Variants in GRIK4 observed in about 807,000 individuals in gnomAD.
GRIK4 encodes glutamate receptor ionotropic, kainate 4.
Under a neutral mutation model 104.9 loss-of-function variants are expected in GRIK4, and 40 were observed. The observed-to-expected ratio is 0.38, with a 90% CI of 0.30 to 0.50. GRIK4 has a LOEUF of 0.50. Ranked by LOEUF, GRIK4 falls within the 20% of genes least tolerant of loss-of-function variation. GRIK4 has a pLI of 0.93. For synonymous variants in GRIK4, 485 were observed against 524.9 expected, an observed-to-expected ratio of 0.92 and a Z score of 1.04; for missense variants, 1,047 against 1,308.1, an observed-to-expected ratio of 0.80 and a Z score of 3.08.
intron 3 of GRIK4, among the ~76,000 whole-genome samples, chr11:120,726,095 A>G (rs1951023402): frequency 6.6e-6 from 1 of 152,238 alleles, no homozygotes; most frequent in South Asian, 2.1e-4. Flanking sequence ...ACCACAGGGA[A>G]CTGCAAGGAC....
chr11:120,696,136 G>T (rs1373532088), intron 3 of GRIK4, among the ~76,000 whole-genome samples: 1 of 152,180 alleles, frequency 6.6e-6, no homozygotes, highest in Non-Finnish European at 1.5e-5. Flanking sequence ...TGACAATAGA[G>T]CTAACAATAT....
chr11:120,542,579 A>G (rs1948048491), intron 1 of GRIK4, among the ~76,000 whole-genome samples: 1 of 152,262 alleles, frequency 6.6e-6, no homozygotes, highest in South Asian at 2.1e-4. Context: ...AACATCCAAA[A>G]TATATAAGGA....
chr11:120,983,720 C>T (rs975823541), intron 20 of GRIK4, among the ~76,000 whole-genome samples: 3 of 152,102 alleles, frequency 2.0e-5, no homozygotes, highest in Non-Finnish European at 4.4e-5. Flanking sequence ...GGTCACCCTC[C>T]TTCTTCCTGA....
intron 1 of GRIK4, among the ~76,000 whole-genome samples, chr11:120,615,015 A>C (rs1477762891): frequency 2.0e-5 from 3 of 151,440 alleles, no homozygotes; most frequent in Admixed American, 2.0e-4. Context: ...AAACAAAACA[A>C]AAAACAAAAC....
At chr11:120,852,786 G>A (rs187499838) in intron 8 of GRIK4, among the ~76,000 whole-genome samples, 108 of 152,290 alleles carry the variant, frequency 7.1e-4, no homozygotes, top group Non-Finnish European at 2.6e-4. Flanking sequence ...ATGTAAGGGT[G>A]CCCAGGAGAT....
At chr11:120,636,227 A>G (rs1358440256) in intron 1 of GRIK4, among the ~76,000 whole-genome samples, 1 of 152,120 alleles carries the variant, frequency 6.6e-6, no homozygotes. Context: ...GTTCTTGGCC[A>G]TATCTGTCTT....
chr11:120,682,223 G>T (rs1478909837), intron 3 of GRIK4, among the ~76,000 whole-genome samples: 1 of 152,196 alleles, frequency 6.6e-6, no homozygotes, highest in Non-Finnish European at 1.5e-5. Context: ...AGGCTGGAAA[G>T]AAATGCATTT....
At chr11:120,827,447 A>T (rs2135556393) in intron 6 of GRIK4, among the ~76,000 whole-genome samples, 1 of 152,270 alleles carries the variant, frequency 6.6e-6, no homozygotes, top group East Asian at 1.9e-4. Flanking sequence ...GCAGGCAGGC[A>T]GGCAGGCCTG....
intron 1 of GRIK4, among the ~76,000 whole-genome samples, chr11:120,623,853 C>A (rs1364997100): frequency 6.6e-6 from 1 of 152,144 alleles, no homozygotes. Flanking sequence ...ATGCAGCCTG[C>A]GTCCCATCCA....
intron 1 of GRIK4, among the ~76,000 whole-genome samples, chr11:120,604,682 T>TGG: frequency 6.6e-6 from 1 of 152,242 alleles, no homozygotes; most frequent in Non-Finnish European, 1.5e-5. Context: ...CTGTTAGCGA[T>TGG]AAGCCAGAGC....
chr11:120,858,376 T>C (rs1954173100), intron 8 of GRIK4: 1 of 152,192 alleles, frequency 6.6e-6, no homozygotes, highest in African/African-American at 2.4e-5. Flanking sequence ...TTCTAAGAAA[T>C]GTTTCTCTGA....
At chr11:120,818,122 C>G (rs1471964734) in intron 5 of GRIK4, among the ~76,000 whole-genome samples, 4 of 152,232 alleles carry the variant, frequency 2.6e-5, no homozygotes, top group Non-Finnish European at 5.9e-5. Context: ...CCATCCATCT[C>G]TAGGATCCGT....
intron 3 of GRIK4, among the ~76,000 whole-genome samples, chr11:120,720,702 G>A (rs1172154476): frequency 6.6e-6 from 1 of 152,144 alleles, no homozygotes; most frequent in Non-Finnish European, 1.5e-5. Flanking sequence ...GCAAGGGTGG[G>A]GGTTAGGGAG....
At chr11:120,627,344 T>G (rs1484639752) in intron 1 of GRIK4, among the ~76,000 whole-genome samples, 1 of 152,172 alleles carries the variant, frequency 6.6e-6, no homozygotes, top group South Asian at 2.1e-4. Flanking sequence ...CACAGCGCAG[T>G]GCAAGGAGAG....
At chr11:120,915,601 T>G (rs1346579087) in intron 13 of GRIK4, among the ~76,000 whole-genome samples, 1 of 152,162 alleles carries the variant, frequency 6.6e-6, no homozygotes, top group Non-Finnish European at 1.5e-5. Context: ...GGTGGAGGGC[T>G]CTGCTGTGGC....
intron 20 of GRIK4, among the ~76,000 whole-genome samples, chr11:120,985,334 T>C (rs77723711): frequency 0.021 from 3,267 of 152,252 alleles, 119 homozygotes; most frequent in African/African-American, 0.072. Flanking sequence ...GTGTGATACA[T>C]ACTCTACTGT....
chr11:120,903,984 A>C lies in GRIK4; in HGVS notation c.1273-1306A>C, dbSNP rs2852236. On this transcript the variant is annotated intron_variant, in intron 12 of 20. Transcript: ENST00000527524. This position sits in a 1 kb window ranked among gnomAD's most constrained non-coding sequence, Gnocchi z 4.4. Reference sequence around the variant, plus strand: ...CAATTTCCTCCTCCTTGACGCTAAGATCATGTTCCCCTGATTTTCAGCCTT... The same window carrying C: ...CAATTTCCTCCTCCTTGACGCTAAGCTCATGTTCCCCTGATTTTCAGCCTT... Among the ~76,000 whole-genome samples the C allele has an allele frequency of 0.019, 2,857 of 152,234 alleles. 83 individuals carry two copies. Among genetic ancestry groups the C allele is most frequent in the African/African-American group, 0.062 (2,568 of 41,520 alleles).
chr11:120,561,914 A>G (rs1407260994), intron 1 of GRIK4, among the ~76,000 whole-genome samples: 1 of 152,188 alleles, frequency 6.6e-6, no homozygotes, highest in Non-Finnish European at 1.5e-5. Flanking sequence ...GGCCCACTTG[A>G]AAAGGGTGCC....
intron 1 of GRIK4, among the ~76,000 whole-genome samples, chr11:120,605,539 T>C (rs1591732229): frequency 1.3e-5 from 2 of 152,366 alleles, no homozygotes; most frequent in Admixed American, 1.3e-4. Flanking sequence ...GTGGGTCCTC[T>C]GTAGCTGTTG....
Sources: gnomAD v4.1 joint callset for allele counts (sites outside exome capture counted in the v4.1 genomes callset) on GRCh38, gnomAD v4.1.1 for gene constraint, Gnocchi (gnomAD v3.1) non-coding constraint, MANE v1.5 for transcripts, NCBI Gene and HGNC (gene_info 2026-07-23, HGNC 2026-07-21) for gene names.